Variants in DAB1 observed in about 807,000 individuals in gnomAD.
The protein encoded by DAB1 is disabled homolog 1.
In DAB1, 15 loss-of-function variants were observed where a neutral mutation model predicts 64.6. The ratio of observed to expected loss-of-function variants is 0.23; its 90% CI spans 0.16 to 0.36. The LOEUF (loss-of-function observed/expected upper bound fraction) is 0.36, where lower values mean the gene tolerates loss of function less well. DAB1 is among the 10% of genes least tolerant of loss of function. DAB1 has a pLI of 1.00. For synonymous variants in DAB1, 235 were observed against 251.9 expected, an observed-to-expected ratio of 0.93 and a Z score of 0.64; for missense variants, 596 against 706.7, an observed-to-expected ratio of 0.84 and a Z score of 1.78.
chr1:57,761,643 A>C (rs1374257410), intron 6 of DAB1, among the ~76,000 whole-genome samples: 1 of 152,220 alleles, frequency 6.6e-6, no homozygotes, highest in Non-Finnish European at 1.5e-5. Context: ...AAATACGAGC[A>C]GCCCAGCTGC....
intron 7 of DAB1, among the ~76,000 whole-genome samples, chr1:57,565,896 G>A (rs1645114421): frequency 6.6e-6 from 1 of 152,128 alleles, no homozygotes; most frequent in Non-Finnish European, 1.5e-5. Flanking sequence ...GGATATCCAG[G>A]AATGGAGCTC....
At chr1:57,907,248 T>C (rs369230885) in intron 5 of DAB1, among the ~76,000 whole-genome samples, 90 of 152,280 alleles carry the variant, frequency 5.9e-4, no homozygotes, top group African/African-American at 2.0e-3. Flanking sequence ...TCAGGCACGG[T>C]GCACCTACAG....
At chr1:57,428,301 C>A (rs61134386), upstream of DAB1, among the ~76,000 whole-genome samples, 5,497 of 152,178 alleles carry the variant, frequency 0.036, 324 homozygotes, top group African/African-American at 0.13. Context: ...ACCCTTTAAC[C>A]AAAATCCCCC....
intron 3 of DAB1, among the ~76,000 whole-genome samples, chr1:58,492,768 T>A (rs1456642659): frequency 2.0e-5 from 3 of 152,170 alleles, no homozygotes; most frequent in Admixed American, 6.5e-5. Context: ...ATTGGGGCAA[T>A]AATTAATAGC....
chr1:58,153,007 A>C (rs998040813), intron 4 of DAB1, among the ~76,000 whole-genome samples: 2 of 152,232 alleles, frequency 1.3e-5, no homozygotes, highest in African/African-American at 4.8e-5. Context: ...CTCTTCTAGA[A>C]AGAAAACAAA....
intron 1 of DAB1, 86 bp downstream of exon 1, chr1:57,423,844 G>T (rs1018706338): frequency 2.0e-5 from 3 of 152,144 alleles, no homozygotes; most frequent in African/African-American, 7.2e-5. Context: ...CTCCAGCGAA[G>T]CCTCCTGGCT....
intron 7 of DAB1, among the ~76,000 whole-genome samples, chr1:57,441,274 C>CTTTTCTTTTCT (rs1558383658): frequency 7.6e-5 from 2 of 26,288 alleles, no homozygotes; most frequent in Non-Finnish European, 2.2e-4. Context: ...CTTTCTTTCT[C>CTTTTCTTTTCT]TTTCTTTCTT....
At chr1:57,496,454 G>A (rs17115892) in intron 7 of DAB1, among the ~76,000 whole-genome samples, 4,785 of 152,210 alleles carry the variant, frequency 0.031, 229 homozygotes, top group African/African-American at 0.1. Context: ...CCAGTATACC[G>A]TAGATTCTCA....
chr1:57,658,923 G>T (rs1646351039), intron 6 of DAB1, among the ~76,000 whole-genome samples: 1 of 152,126 alleles, frequency 6.6e-6, no homozygotes, highest in Non-Finnish European at 1.5e-5. Context: ...GACTTCCAAT[G>T]CTTCTATGCA....
intron 1 of DAB1, among the ~76,000 whole-genome samples, chr1:57,881,395 G>T (rs1028549382): frequency 1.3e-5 from 2 of 152,140 alleles, no homozygotes; most frequent in Non-Finnish European, 2.9e-5. Context: ...CCTACCTTCT[G>T]CTAAACATTT....
At chr1:57,622,490 T>A (rs1645871822) in intron 7 of DAB1, among the ~76,000 whole-genome samples, 1 of 152,258 alleles carries the variant, frequency 6.6e-6, no homozygotes, top group Admixed American at 6.5e-5. Context: ...GACTTAATGA[T>A]AACATATGGA....
intron 2 of DAB1, among the ~76,000 whole-genome samples, chr1:57,213,596 G>T (rs936125553): frequency 6.6e-6 from 1 of 152,120 alleles, no homozygotes; most frequent in Non-Finnish European, 1.5e-5. Flanking sequence ...TAATAATCAC[G>T]TTTTCTTTCT....
intron 9 of DAB1, among the ~76,000 whole-genome samples, chr1:57,057,784 A>AT (rs11409415): frequency 0.85 from 128,408 of 151,216 alleles, 54,764 homozygotes; most frequent in Admixed American, 0.88. Context: ...ATTTTTTTGT[A>AT]TTTTTAGTAG....
chr1:57,855,261 A>C (rs13375506), intron 1 of DAB1, among the ~76,000 whole-genome samples: 2 of 152,102 alleles, frequency 1.3e-5, no homozygotes, highest in African/African-American at 4.8e-5. Context: ...GTGTTTTCCA[A>C]ATATGATCTT....
At chr1:57,570,580 T>C (rs1264581834) in intron 7 of DAB1, among the ~76,000 whole-genome samples, 1 of 152,166 alleles carries the variant, frequency 6.6e-6, no homozygotes, top group African/African-American at 2.4e-5. Context: ...ACTATTGCCT[T>C]ACAGTATAGT....
intron 6 of DAB1, among the ~76,000 whole-genome samples, chr1:57,751,868 T>C (rs1400648169): frequency 7.5e-6 from 1 of 133,558 alleles, no homozygotes; most frequent in African/African-American, 3.0e-5. Flanking sequence ...AAGACAAACC[T>C]GCCTGTTTCC....
At chr1:57,732,668 G>C (rs1647490785) in intron 6 of DAB1, among the ~76,000 whole-genome samples, 1 of 152,212 alleles carries the variant, frequency 6.6e-6, no homozygotes, top group African/African-American at 2.4e-5. Flanking sequence ...CAGGGCAGGA[G>C]AAAAGGGTAG....
chr1:57,498,980 G>A (rs1644260314), intron 7 of DAB1, among the ~76,000 whole-genome samples: 1 of 152,020 alleles, frequency 6.6e-6, no homozygotes, highest in South Asian at 2.1e-4. Context: ...ATGGTGTTTT[G>A]TTTTGTTTTG....
chr1:57,860,217 T>C (rs1191032622), intron 1 of DAB1, among the ~76,000 whole-genome samples: 1 of 152,232 alleles, frequency 6.6e-6, no homozygotes, highest in African/African-American at 2.4e-5. Flanking sequence ...CTAACATATG[T>C]TGAATGCCTA....
Sources: gnomAD v4.1 joint callset for allele counts (sites outside exome capture counted in the v4.1 genomes callset) on GRCh38, gnomAD v4.1.1 for gene constraint, MANE v1.5 for transcripts, NCBI Gene and HGNC (gene_info 2026-07-23, HGNC 2026-07-21) for gene names.